VPS13B: variants seen among roughly 807,000 people sequenced by gnomAD.
VPS13B encodes intermembrane lipid transfer protein VPS13B.
VPS13B carries 285 observed loss-of-function variants against 426.4 expected under a neutral mutation model. The observed-to-expected ratio is 0.67, with a 90% CI of 0.61 to 0.74. The LOEUF is 0.74. VPS13B is among the 30% of genes least tolerant of loss of function. The pLI is 0.00. For synonymous variants in VPS13B, 1,676 were observed against 1,676.4 expected (o/e 1.00, Z 0.01); for missense variants, 4,537 against 4,782.6 (o/e 0.95, Z 1.51).
At chr8:99,189,304 A>G (rs900699535) in intron 16 of VPS13B, among the ~76,000 whole-genome samples, 9 of 152,220 alleles carry the variant, frequency 5.9e-5, no homozygotes, top group Non-Finnish European at 1.3e-4. Context: ...GACTATGTAT[A>G]CTAGGCTGTT....
intron 3 of VPS13B, among the ~76,000 whole-genome samples, chr8:99,077,837 C>A (rs1482870926): frequency 6.6e-6 from 1 of 152,012 alleles, no homozygotes; most frequent in Admixed American, 6.6e-5. Context: ...TTACCCATCT[C>A]ATTTCCTTCT....
At chr8:99,266,244 C>A (rs1818290965) in intron 17 of VPS13B, among the ~76,000 whole-genome samples, 2 of 151,530 alleles carry the variant, frequency 1.3e-5, no homozygotes, top group South Asian at 4.2e-4. Flanking sequence ...CATAGTGAGA[C>A]CCTGTCTCTA....
intron 19 of VPS13B, among the ~76,000 whole-genome samples, chr8:99,335,874 C>G (rs1375230165): frequency 2.0e-5 from 3 of 152,106 alleles, no homozygotes; most frequent in Non-Finnish European, 4.4e-5. Flanking sequence ...AGGATACAAA[C>G]AAATGGAAGG....
intron 19 of VPS13B, among the ~76,000 whole-genome samples, chr8:99,350,710 T>C (rs2133210260): frequency 6.6e-6 from 1 of 152,176 alleles, no homozygotes; most frequent in East Asian, 1.9e-4. Context: ...ATCACTTGGA[T>C]AGGATTTGTA....
intron 19 of VPS13B, among the ~76,000 whole-genome samples, chr8:99,311,823 CTA>C (rs1820994484): frequency 6.6e-6 from 1 of 152,142 alleles, no homozygotes; most frequent in Non-Finnish European, 1.5e-5. Context: ...TTGTAGGTCT[CTA>C]AGGACTTGCT....
At chr8:99,179,804 G>A (rs1476511240) in intron 16 of VPS13B, among the ~76,000 whole-genome samples, 1 of 151,958 alleles carries the variant, frequency 6.6e-6, no homozygotes, top group Non-Finnish European at 1.5e-5. Flanking sequence ...ATTGGCATGC[G>A]TCTGGCTGTT....
intron 23 of VPS13B, among the ~76,000 whole-genome samples, chr8:99,444,696 A>G (rs1459207224): frequency 2.0e-5 from 3 of 151,750 alleles, no homozygotes; most frequent in African/African-American, 7.3e-5. Flanking sequence ...TTTTTGGATC[A>G]GGTTTCATTC....
intron 21 of VPS13B, among the ~76,000 whole-genome samples, chr8:99,428,649 G>A (rs1180470491): frequency 6.6e-6 from 1 of 152,160 alleles, no homozygotes; most frequent in Non-Finnish European, 1.5e-5. Context: ...TGCTGGAGAG[G>A]ATGTGGAGAA....
At chr8:99,429,058 C>G (rs913141103) in intron 21 of VPS13B, among the ~76,000 whole-genome samples, 10 of 152,092 alleles carry the variant, frequency 6.6e-5, no homozygotes, top group African/African-American at 2.2e-4. Flanking sequence ...CATATTCTCA[C>G]TCATAGGTGG....
At chr8:99,042,527 T>C (rs1457570781) in intron 3 of VPS13B, among the ~76,000 whole-genome samples, 1 of 152,234 alleles carries the variant, frequency 6.6e-6, no homozygotes, top group Non-Finnish European at 1.5e-5. Flanking sequence ...AGCTAGATTT[T>C]AAACAAGAAA....
chr8:99,120,120 T>G (rs1847867952), intron 7 of VPS13B: 2 of 152,472 alleles, frequency 1.3e-5, no homozygotes, highest in African/African-American at 4.8e-5. Flanking sequence ...CTCGAACTCC[T>G]GAGCTTAGGT....
At chr8:99,738,340 A>G (rs1049176537) in intron 39 of VPS13B, among the ~76,000 whole-genome samples, 2 of 152,234 alleles carry the variant, frequency 1.3e-5, no homozygotes, top group Non-Finnish European at 2.9e-5. Context: ...AATTCCAAAC[A>G]CCAACTACTA....
Position 99,717,209 on chromosome 8 carries a change from G to C in VPS13B, c.6493G>C (p.Asp2165His). The C allele has an allele frequency of 6.2e-7, 1 of 1,613,418 alleles. No individual in the cohort carries two copies. ...GTCATCATTTCTACTCAGTATAAAC[G>C]ATTTTCTCCTTAAAACAAGTCTCAA... ...LGSSFLLSIN[D>H]FLLKTSLKER... Residue 2165 changes from aspartate to histidine, a missense_variant, in exon 37 of 62, where the codon GAT (aspartate) becomes CAT (histidine). This residue lies in a region of VPS13B where 4,311 missense variants were observed against 4,474.3 expected (regional missense o/e 0.96). Transcript: ENST00000357162.
At chr8:99,262,790 T>TTGTTGTTGG (rs1197731263) in intron 17 of VPS13B, among the ~76,000 whole-genome samples, 14 of 152,130 alleles carry the variant, frequency 9.2e-5, no homozygotes, top group African/African-American at 3.1e-4. Context: ...GTTGTTGTTG[T>TTGTTGTTGG]TGTTGTTGTT....
At chr8:99,829,221 CT>C (rs1328650043) in intron 51 of VPS13B, among the ~76,000 whole-genome samples, 3 of 152,204 alleles carry the variant, frequency 2.0e-5, no homozygotes, top group Non-Finnish European at 4.4e-5. Context: ...CTCCCCGTCA[CT>C]TTTAGGTACA....
intron 19 of VPS13B, among the ~76,000 whole-genome samples, chr8:99,339,772 A>G (rs767315473): frequency 6.6e-6 from 1 of 152,174 alleles, no homozygotes; most frequent in Non-Finnish European, 1.5e-5. Flanking sequence ...ATCATGTTTC[A>G]CTGTTAGAAG....
intron 36 of VPS13B, among the ~76,000 whole-genome samples, chr8:99,702,452 A>C (rs1832321455): frequency 6.6e-6 from 1 of 152,288 alleles, no homozygotes; most frequent in African/African-American, 2.4e-5. Context: ...ACGAAAGAAA[A>C]AGGAGCATTG....
chr8:99,395,549 C>G (rs73287866), intron 21 of VPS13B, among the ~76,000 whole-genome samples: 2,558 of 152,194 alleles, frequency 0.017, 63 homozygotes, highest in African/African-American at 0.059. Flanking sequence ...CTAGACTCAC[C>G]TTAAACAAGC....
intron 8 of VPS13B, among the ~76,000 whole-genome samples, chr8:99,125,998 G>A (rs1429368084): frequency 6.6e-6 from 1 of 151,670 alleles, no homozygotes; most frequent in Non-Finnish European, 1.5e-5. Context: ...TAATAGAGAG[G>A]AAAAAATCGA....
Sources: gnomAD v4.1 joint callset for allele counts (sites outside exome capture counted in the v4.1 genomes callset) on GRCh38, gnomAD v4.1.1 for gene constraint, gnomAD v4.1.1 regional missense constraint, MANE v1.5 for transcripts, NCBI Gene and HGNC (gene_info 2026-07-23, HGNC 2026-07-21) for gene names.